Variants in C19orf47 observed in about 807,000 individuals in gnomAD.
C19orf47 encodes chromosome 19 open reading frame 47.
C19orf47 carries 18 observed loss-of-function variants against 32.3 expected under a neutral mutation model. The observed-to-expected ratio is 0.56, with a 90% CI of 0.39 to 0.83. The LOEUF (loss-of-function observed/expected upper bound fraction) is 0.83. C19orf47 is among the 40% of genes least tolerant of loss of function. The pLI is 0.00. For synonymous variants in C19orf47, 202 were observed against 211.1 expected (o/e 0.96, Z 0.37); for missense variants, 484 against 531.6 (o/e 0.91, Z 0.88).
intron 5 of C19orf47, among the ~76,000 whole-genome samples, chr19:40,328,911 C>T (rs1177195998): frequency 6.6e-6 from 1 of 152,098 alleles, no homozygotes; most frequent in Non-Finnish European, 1.5e-5. Flanking sequence ...AGCAAGTAGG[C>T]GCTTCCTCAG....
Position 40,322,354 on chromosome 19 carries a change from A to C in C19orf47, c.686T>G (p.Leu229Arg). 1 of 1,593,040 alleles carries C rather than the reference A, an allele frequency of 6.3e-7. No individual in the cohort carries two copies. Among genetic ancestry groups the C allele is most frequent in the Non-Finnish European group, 8.6e-7 (1 of 1,167,042 alleles). Residue 229 changes from leucine (L) to arginine (R), a missense_variant, in exon 9 of 9, where the codon CTG (leucine) becomes CGG (arginine). Transcript: ENST00000683109. ...GSKPTGVFSR[L>R]GATPETDEDL... The stretch of plus-strand genomic sequence containing the variant: ...CTCGTCCGTTTCTGGGGTGGCCCCC[A>C]GGCGGCTGAAGACTCCTGTGGGCTG...
chr19:40,314,757 T>C (rs2077651220), downstream of C19orf47, among the ~76,000 whole-genome samples: 1 of 152,040 alleles, frequency 6.6e-6, no homozygotes, highest in Non-Finnish European at 1.5e-5. Flanking sequence ...GGACAAGGTG[T>C]AAAGGGAGAA....
the C19orf47 span, among the ~76,000 whole-genome samples, chr19:40,295,077 A>G: frequency 1.3e-5 from 2 of 152,178 alleles, no homozygotes; most frequent in African/African-American, 4.8e-5. Context: ...GCTGGAGTGC[A>G]GTGGCTTAAT....
chr19:40,314,812 T>C (rs936776440), downstream of C19orf47, among the ~76,000 whole-genome samples: 1 of 152,122 alleles, frequency 6.6e-6, no homozygotes, highest in Non-Finnish European at 1.5e-5. Context: ...AAACAGGTGA[T>C]CAGGATGAAC....
intron 6 of C19orf47, among the ~76,000 whole-genome samples, chr19:40,327,280 C>T (rs2077852390): frequency 2.0e-5 from 3 of 150,302 alleles, no homozygotes; most frequent in Admixed American, 2.0e-4. Context: ...TCCCAAAGTT[C>T]TGGGATTACA....
At position 40,326,475 on chromosome 19, in the gene C19orf47, G is replaced by C. The variant is rs370425570; in HGVS notation, c.451C>G (p.Arg151Gly). 4.2e-5 allele frequency: 68 copies of C among 1,613,296 alleles called. No homozygotes were observed. The highest frequency in any genetic ancestry group is 5.1e-5 in the Non-Finnish European group (60 of 1,180,016). Residue 151 changes from arginine to glycine, a missense_variant, in exon 7 of 9, where the codon CGC becomes GGC. Coordinates refer to ENST00000683109, the MANE Select transcript of C19orf47 (RefSeq NM_001256441.2). Reference sequence around the variant, plus strand: ...ACAGCCAGGCTCTCCTCCTCCCGGCGGGCCAGGGCTGCTGGGGGAAGAAAG... The same window carrying C: ...ACAGCCAGGCTCTCCTCCTCCCGGCCGGCCAGGGCTGCTGGGGGAAGAAAG... ...KSAKATAALA[R>G]REEESLAVPA...
chr19:40,298,829 G>A, the C19orf47 span, among the ~76,000 whole-genome samples: 2 of 152,042 alleles, frequency 1.3e-5, no homozygotes, highest in Admixed American at 1.3e-4. Context: ...AATAAAGGAA[G>A]GAAGAAAAGA....
At chr19:40,327,452 C>A (rs901119613) in intron 6 of C19orf47, among the ~76,000 whole-genome samples, 4 of 152,108 alleles carry the variant, frequency 2.6e-5, no homozygotes, top group African/African-American at 9.7e-5. Flanking sequence ...CCATGCCCAG[C>A]CTGATTTTAA....
intron 2 of C19orf47, 59 bp from the exon 3 acceptor site, chr19:40,336,466 A>G: frequency 6.9e-7 from 1 of 1,458,020 alleles, no homozygotes. Flanking sequence ...TAGCATTAGC[A>G]AAACCACAAT....
chr19:40,323,700 G>A (rs1182797483), intron 8 of C19orf47, among the ~76,000 whole-genome samples: 1 of 152,206 alleles, frequency 6.6e-6, no homozygotes, highest in African/African-American at 2.4e-5. Context: ...GCAATGGGGA[G>A]GGCAGGCAGC....
chr19:40,347,699 C>A (rs1235997160), intron 1 of C19orf47, among the ~76,000 whole-genome samples: 1 of 152,164 alleles, frequency 6.6e-6, no homozygotes, highest in African/African-American at 2.4e-5. Context: ...TTCCCCGGCT[C>A]CAATTCTAAG....
At chr19:40,325,440 C>A (rs1421665193) in intron 7 of C19orf47, among the ~76,000 whole-genome samples, 1 of 151,854 alleles carries the variant, frequency 6.6e-6, no homozygotes, top group Non-Finnish European at 1.5e-5. Flanking sequence ...CCAGCCTGGG[C>A]AACATGGCAA....
At chr19:40,309,021 C>T in the C19orf47 span, among the ~76,000 whole-genome samples, 1 of 152,112 alleles carries the variant, frequency 6.6e-6, no homozygotes, top group East Asian at 1.9e-4. Context: ...GTGATCATGC[C>T]ACTGCACTCC....
At chr19:40,312,286 G>A in the C19orf47 span, among the ~76,000 whole-genome samples, 10 of 152,236 alleles carry the variant, frequency 6.6e-5, no homozygotes, top group Admixed American at 2.6e-4. Context: ...GGTGGCTCAC[G>A]CCTGTAATCC....
At chr19:40,307,089 C>CTTT in the C19orf47 span, among the ~76,000 whole-genome samples, 11 of 64,860 alleles carry the variant, frequency 1.7e-4, no homozygotes, top group Non-Finnish European at 2.3e-4. Context: ...GCGCCCGGCC[C>CTTT]TTTTTTTTTT....
chr19:40,340,815 C>CA (rs772324423), intron 2 of C19orf47, among the ~76,000 whole-genome samples: 11 of 151,436 alleles, frequency 7.3e-5, no homozygotes, highest in Non-Finnish European at 1.2e-4. Context: ...CCCATCTCTA[C>CA]AAAAAATACA....
At chr19:40,302,712 G>A in the C19orf47 span, among the ~76,000 whole-genome samples, 1 of 152,042 alleles carries the variant, frequency 6.6e-6, no homozygotes, top group South Asian at 2.1e-4. Context: ...TGTTGTGGAG[G>A]GTTTGTTATT....
chr19:40,322,425 A>G (rs1158136598), intron 8 of C19orf47, 49 bp from the exon 9 acceptor site: 1 of 1,509,168 alleles, frequency 6.6e-7, no homozygotes, highest in Non-Finnish European at 8.9e-7. Flanking sequence ...CACTCAACAC[A>G]CATTCATGGA....
At chr19:40,332,098 G>A (rs2077965939) in intron 5 of C19orf47, among the ~76,000 whole-genome samples, 2 of 151,930 alleles carry the variant, frequency 1.3e-5, no homozygotes, top group South Asian at 4.1e-4. Flanking sequence ...CAGGTGCAGT[G>A]GCTCATGCCT....
Sources: allele counts gnomAD v4.1 joint callset (sites outside exome capture counted in the v4.1 genomes callset), GRCh38; gene constraint gnomAD v4.1.1; transcripts MANE v1.5; gene names NCBI Gene and HGNC (gene_info 2026-07-23, HGNC 2026-07-21).